Variants in CDK5RAP2 observed in about 807,000 individuals in gnomAD.
CDK5RAP2 encodes the protein CDK5 regulatory subunit-associated protein 2.
CDK5RAP2 carries 147 observed loss-of-function variants against 232.9 expected under a neutral mutation model. The observed-to-expected ratio is 0.63, with a 90% CI of 0.55 to 0.72. The LOEUF is 0.72. Ranked by LOEUF, CDK5RAP2 falls within the 30% of genes least tolerant of loss-of-function variation. CDK5RAP2 has a pLI of 0.00. For synonymous variants in CDK5RAP2, 833 were observed against 833.7 expected (o/e 1.00, Z 0.01); for missense variants, 2,195 against 2,231.5 (o/e 0.98, Z 0.33).
intron 10 of CDK5RAP2, among the ~76,000 whole-genome samples, chr9:120,526,593 A>G (rs2040911620): frequency 6.6e-6 from 1 of 152,056 alleles, no homozygotes; most frequent in Admixed American, 6.6e-5. Context: ...CTGGTCTCCC[A>G]GCCTCCATTC....
intron 12 of CDK5RAP2, among the ~76,000 whole-genome samples, chr9:120,505,181 A>G (rs2039752388): frequency 6.6e-6 from 1 of 151,916 alleles, no homozygotes; most frequent in Non-Finnish European, 1.5e-5. Context: ...TTCCAACAGC[A>G]TGTGTTCATT....
At chr9:120,515,954 G>A (rs562221939) in intron 12 of CDK5RAP2, among the ~76,000 whole-genome samples, 111 of 152,314 alleles carry the variant, frequency 7.3e-4, no homozygotes, top group African/African-American at 2.3e-3. Context: ...GGCAGTCAGT[G>A]TGGCGATTCC....
intron 12 of CDK5RAP2, among the ~76,000 whole-genome samples, chr9:120,517,063 C>T (rs958627906): frequency 6.6e-6 from 1 of 152,088 alleles, no homozygotes; most frequent in Non-Finnish European, 1.5e-5. Context: ...GAGCCTACAC[C>T]ATGAGATGGT....
chr9:120,470,011 G>A (rs2037602610), intron 17 of CDK5RAP2, 100 bp downstream of exon 17: 6 of 683,382 alleles, frequency 8.8e-6, no homozygotes, highest in South Asian at 3.2e-5. Flanking sequence ...GAAGGAAGGA[G>A]AGAGGCCTTC....
At chr9:120,408,962 G>C (rs2033668300) in intron 30 of CDK5RAP2, among the ~76,000 whole-genome samples, 165 bp downstream of exon 30, 1 of 152,238 alleles carries the variant, frequency 6.6e-6, no homozygotes, top group Non-Finnish European at 1.5e-5. Flanking sequence ...CTCCTTACAG[G>C]ATCTTTCTCC....
chr9:120,441,499 T>C (rs2035894909), intron 23 of CDK5RAP2, among the ~76,000 whole-genome samples: 1 of 152,188 alleles, frequency 6.6e-6, no homozygotes, highest in Non-Finnish European at 1.5e-5. Flanking sequence ...CCTCTAACCA[T>C]TCCAAGATAG....
intron 3 of CDK5RAP2, among the ~76,000 whole-genome samples, chr9:120,552,329 A>C (rs376427061): frequency 4.6e-5 from 7 of 151,914 alleles, no homozygotes; most frequent in South Asian, 2.1e-4. Context: ...TTGACCCAGC[A>C]ATCCCATTAC....
rs1173192400 is a variant in CDK5RAP2, at chr9:120,403,676, G to T, written c.5041+360C>A. On this transcript the variant is annotated intron_variant, in intron 33 of 37. Coordinates refer to ENST00000349780, the MANE Select transcript of CDK5RAP2 (RefSeq NM_018249.6). The surrounding 1 kb of genome is among the most constrained non-coding windows in gnomAD (Gnocchi z 4.2). ...GGGGGTCTAAAAGTCACAGTGAGAGGAAAGTGTGGGCCTGTCTGCAGGATG... is the reference window on the plus strand; with the variant it reads ...GGGGGTCTAAAAGTCACAGTGAGAGTAAAGTGTGGGCCTGTCTGCAGGATG... The T allele has an allele frequency of 5.6e-6, 2 of 356,984 alleles. No homozygotes were observed. Among genetic ancestry groups the T allele is most frequent in the Non-Finnish European group, 1.1e-5 (2 of 188,548 alleles). 22.1% of individuals were successfully genotyped at this position (356,984 alleles called of 1,614,324 possible). A position where few individuals can be genotyped will look rare whatever the true frequency, so the allele number is the denominator to read the frequency against.
At chr9:120,446,088 T>C (rs2036169884) in intron 22 of CDK5RAP2, among the ~76,000 whole-genome samples, 1 of 152,216 alleles carries the variant, frequency 6.6e-6, no homozygotes, top group Non-Finnish European at 1.5e-5. Flanking sequence ...TACTTTAGGC[T>C]TTGCAGGCCA....
chr9:120,470,561 G>A (rs1186880456), intron 16 of CDK5RAP2, among the ~76,000 whole-genome samples: 1 of 152,122 alleles, frequency 6.6e-6, no homozygotes, highest in African/African-American at 2.4e-5. Flanking sequence ...TTAAATGAGG[G>A]ACTGATTCTG....
intron 12 of CDK5RAP2, among the ~76,000 whole-genome samples, chr9:120,515,356 A>G (rs961213184): frequency 3.9e-4 from 60 of 152,310 alleles, no homozygotes; most frequent in African/African-American, 1.4e-3. Context: ...TTCCCTGACT[A>G]CCACATCACA....
chr9:120,501,448 G>A (rs557575380), intron 12 of CDK5RAP2, among the ~76,000 whole-genome samples: 2 of 152,304 alleles, frequency 1.3e-5, no homozygotes, highest in African/African-American at 4.8e-5. Context: ...CAAGTTCCAT[G>A]AGGGCAGGGA....
At chr9:120,477,616 CAGG>C (rs1194712024) in intron 14 of CDK5RAP2, among the ~76,000 whole-genome samples, 166 bp from the exon 15 acceptor site, 3 of 152,182 alleles carry the variant, frequency 2.0e-5, no homozygotes, top group Non-Finnish European at 4.4e-5. Context: ...GCACCACCTT[CAGG>C]AGGAGTGGGG....
intron 20 of CDK5RAP2, among the ~76,000 whole-genome samples, chr9:120,455,577 C>T (rs2036723792): frequency 6.6e-6 from 1 of 151,516 alleles, no homozygotes; most frequent in Non-Finnish European, 1.5e-5. Flanking sequence ...CCTATCTCTA[C>T]AAAAAAATAC....
intron 23 of CDK5RAP2, among the ~76,000 whole-genome samples, chr9:120,443,273 G>A (rs553577726): frequency 2.0e-5 from 3 of 152,274 alleles, no homozygotes; most frequent in African/African-American, 7.2e-5. Flanking sequence ...AATACTAACA[G>A]GCTGTTGGGA....
intron 11 of CDK5RAP2, among the ~76,000 whole-genome samples, chr9:120,521,714 C>T (rs932381213): frequency 2.7e-5 from 4 of 146,642 alleles, no homozygotes; most frequent in Admixed American, 6.9e-5. Flanking sequence ...GGCGCGATCT[C>T]GGCTCACTGC....
intron 11 of CDK5RAP2, among the ~76,000 whole-genome samples, chr9:120,524,777 T>C (rs1332839013): frequency 3.3e-5 from 5 of 152,054 alleles, no homozygotes; most frequent in African/African-American, 1.2e-4. Flanking sequence ...ACTGTGGAGG[T>C]ATTTATCATT....
chr9:120,429,955 C>T (rs1004796188), intron 25 of CDK5RAP2, among the ~76,000 whole-genome samples: 10 of 152,100 alleles, frequency 6.6e-5, no homozygotes, highest in African/African-American at 1.2e-4. Flanking sequence ...GAAATAATGC[C>T]GCATATCTAC....
intron 23 of CDK5RAP2, among the ~76,000 whole-genome samples, chr9:120,443,153 C>T (rs2035992888): frequency 6.6e-6 from 1 of 152,168 alleles, no homozygotes; most frequent in Non-Finnish European, 1.5e-5. Context: ...ACTGATCTGC[C>T]TGGCAAACCC....
Sources: allele counts gnomAD v4.1 joint callset (sites outside exome capture counted in the v4.1 genomes callset), GRCh38; gene constraint gnomAD v4.1.1; non-coding constraint Gnocchi (gnomAD v3.1); transcripts MANE v1.5; gene names NCBI Gene and HGNC (gene_info 2026-07-23, HGNC 2026-07-21).